PPARA: variants seen among roughly 807,000 people sequenced by gnomAD.
PPARA encodes the protein peroxisome proliferator-activated receptor alpha.
A neutral mutation model predicts 42.2 loss-of-function variants in PPARA; 22 were observed. That is an observed-to-expected ratio of 0.52 (90% CI 0.37 to 0.74). The LOEUF (loss-of-function observed/expected upper bound fraction) is 0.74. Among genes scored for constraint, PPARA ranks in the 30% least tolerant of loss-of-function variants. The probability of loss-of-function intolerance (pLI) is 0.00; values close to 1 mark genes in which losing one functional copy is unlikely to be tolerated. For missense variants in PPARA, 465 were observed against 608.2 expected (o/e 0.76, Z 2.48); for synonymous variants, 242 against 239.3 (o/e 1.01, Z -0.10).
chr22:46,167,808 C>A lies in PPARA; in HGVS notation c.-126-8945C>A, dbSNP rs1050876472. 6.6e-6 allele frequency among the ~76,000 whole-genome samples: 1 copy of A among 151,492 alleles called. No individual in the cohort carries two copies. The highest frequency in any genetic ancestry group is 1.5e-5 in the Non-Finnish European group (1 of 67,940). On this transcript the variant is annotated intron_variant, in intron 2 of 8. Transcript: ENST00000407236. This position sits in a 1 kb window ranked among gnomAD's most constrained non-coding sequence, Gnocchi z 4.1. ...CTGTCATTCCAATGCTTTGGGGGAC[C>A]GAGGTGAGAGGATAGCTTGAGGCCA...
At position 46,227,440 on chromosome 22, in the gene PPARA, C is replaced by G. The variant is rs1309362675; in HGVS notation, c.712-4352C>G. Among the ~76,000 whole-genome samples, 1 of 152,184 alleles carries G rather than the reference C, an allele frequency of 6.6e-6. No homozygotes were observed. Among genetic ancestry groups the G allele is most frequent in the Non-Finnish European group, 1.5e-5 (1 of 68,046 alleles). On this transcript the variant is annotated intron_variant, in intron 7 of 8. Transcript: ENST00000407236. This position sits in a 1 kb window ranked among gnomAD's most constrained non-coding sequence, Gnocchi z 4.3. ...CTAATTTTTGTATTTTTAGTAGACA[C>G]GGGCTTTTGCCATGTTGGCCGGGCT...
rs979095104 is a variant in PPARA at position 46,230,678 on chromosome 22, G to A, written c.712-1114G>A. ...GCATGGGAGCACACAAGGCACGGCT[G>A]TGGGGAGTTGGCACTTGCTCCAGAA... On this transcript the variant is annotated intron_variant, in intron 7 of 8. Transcript: ENST00000407236. This position sits in a 1 kb window ranked among gnomAD's most constrained non-coding sequence, Gnocchi z 5.0. 3.3e-5 allele frequency among the ~76,000 whole-genome samples: 5 copies of A among 152,226 alleles called. No homozygotes were observed. Among genetic ancestry groups the A allele is most frequent in the African/African-American group, 1.2e-4 (5 of 41,466 alleles).
At chr22:46,172,064 C>T (rs541878569) in intron 2 of PPARA, among the ~76,000 whole-genome samples, 2 of 152,046 alleles carry the variant, frequency 1.3e-5, no homozygotes, top group East Asian at 1.9e-4. Context: ...GCAGCCGTGT[C>T]GCCTTGGGTG....
Position 46,240,790 on chromosome 22 carries a change from C to T in PPARA, c.*5410C>T, listed in dbSNP as rs1936351577. The T allele has an allele frequency of 6.6e-6, 1 of 152,290 alleles. No homozygotes were observed. The highest frequency in any genetic ancestry group is 6.5e-5 in the Admixed American group (1 of 15,286). 9.4% of individuals were successfully genotyped at this position (152,290 alleles called of 1,614,324 possible). ...CTTTTCTTAACTCAGTCCAAGCTGA[C>T]TTGTTTAGCTGCACTGGAATTTCTT... On this transcript the variant is annotated 3_prime_UTR_variant, in exon 9 of 9. Transcript: ENST00000407236. This position sits in a 1 kb window ranked among gnomAD's most constrained non-coding sequence, Gnocchi z 6.0.
In PPARA at chr22:46,150,779, G is replaced by T. The variant is rs895893580; in HGVS notation, c.-210+127G>T. 4.6e-5 allele frequency: 7 copies of T among 151,070 alleles called. No homozygotes were observed. The highest frequency in any genetic ancestry group is 2.6e-4 in the Admixed American group (4 of 15,214). 9.4% of individuals were successfully genotyped at this position (151,070 alleles called of 1,614,324 possible). A position where few individuals can be genotyped will look rare whatever the true frequency, so the allele number is the denominator to read the frequency against. On this transcript the variant is annotated intron_variant, in intron 1 of 8. Transcript: ENST00000407236. The surrounding 1 kb of genome is among the most constrained non-coding windows in gnomAD (Gnocchi z 7.5). ...GCAGGGGCTGGGCGGCGCATGCGCGGGGCCCGGGGTCTCGGGGTCTCCGGG... is the reference window on the plus strand; with the variant it reads ...GCAGGGGCTGGGCGGCGCATGCGCGTGGCCCGGGGTCTCGGGGTCTCCGGG...
At chr22:46,208,736 C>G (rs559990940) in intron 4 of PPARA, among the ~76,000 whole-genome samples, 2 of 152,212 alleles carry the variant, frequency 1.3e-5, no homozygotes, top group Admixed American at 1.3e-4. Flanking sequence ...AACCACCATT[C>G]CACTCTCTAC....
At chr22:46,151,160 C>G (rs1924359235) in intron 1 of PPARA, 3 of 152,406 alleles carry the variant, frequency 2.0e-5, no homozygotes, top group South Asian at 4.1e-4. Context: ...ACCCGGGCCC[C>G]GGACAGACCG....
intron 4 of PPARA, among the ~76,000 whole-genome samples, chr22:46,201,681 C>T (rs191091253): frequency 1.8e-3 from 274 of 152,150 alleles, no homozygotes; most frequent in Non-Finnish European, 3.0e-3. Flanking sequence ...CTTGTGAGGT[C>T]GTTGTTATGT....
At chr22:46,215,615 G>A (rs1288610743) in intron 5 of PPARA, among the ~76,000 whole-genome samples, 1 of 151,940 alleles carries the variant, frequency 6.6e-6, no homozygotes, top group Non-Finnish European at 1.5e-5. Flanking sequence ...GGTGGTGGGC[G>A]CCTGTAAGCC....
In PPARA at chr22:46,198,449, G is replaced by A. The variant is rs562592389; in HGVS notation, c.66G>A (p.Pro22=). The stretch of plus-strand genomic sequence containing the variant: ...TCGAGGCCGGCGATCTAGAGAGCCC[G>A]TTATCTGAAGAGTTCCTGCAAGAAA... ...SPLEAGDLES[P]LSEEFLQEMG... The change falls in exon 4 of 9, where the codon CCG becomes CCA. Residue 22 remains proline (P), a synonymous_variant. Coordinates refer to ENST00000407236, the MANE Select transcript of PPARA (RefSeq NM_005036.6). 8 of 1,613,670 alleles carry A rather than the reference G, an allele frequency of 5.0e-6. No individual in the cohort carries two copies. Among genetic ancestry groups the A allele is most frequent in the Admixed American group, 3.3e-5 (2 of 59,956 alleles).
chr22:46,198,743 C>G, intron 4 of PPARA, 152 bp downstream of exon 4: 3 of 790,496 alleles, frequency 3.8e-6, no homozygotes, highest in Non-Finnish European at 6.0e-6. Flanking sequence ...TCACTGCAGG[C>G]TCCACCTCCT....
At position 46,235,400 on chromosome 22, in the gene PPARA, A is replaced by C. The variant is rs369568904; in HGVS notation, c.*20A>C. Reference sequence around the variant, plus strand: ...TACTGAGTTCCTTCAGATCAGCCACACCTTTTCCAGGAGTTCTGAAGCTGA... The same window carrying C: ...TACTGAGTTCCTTCAGATCAGCCACCCCTTTTCCAGGAGTTCTGAAGCTGA... On this transcript the variant is annotated 3_prime_UTR_variant, in exon 9 of 9. Coordinates refer to ENST00000407236, the MANE Select transcript of PPARA (RefSeq NM_005036.6). The surrounding 1 kb of genome is among the most constrained non-coding windows in gnomAD (Gnocchi z 7.0). 6.8e-6 allele frequency: 11 copies of C among 1,611,622 alleles called. No individual in the cohort carries two copies. The African/African-American group carries it at 1.2e-4, about 18-fold the overall frequency.
chr22:46,177,295 A>T (rs557197235), intron 3 of PPARA, among the ~76,000 whole-genome samples: 3 of 152,208 alleles, frequency 2.0e-5, no homozygotes, highest in Admixed American at 2.0e-4. Context: ...AGCATTAATT[A>T]ATCCCAACAT....
intron 3 of PPARA, among the ~76,000 whole-genome samples, chr22:46,178,214 A>G (rs1254090687): frequency 6.6e-6 from 1 of 152,220 alleles, no homozygotes; most frequent in Non-Finnish European, 1.5e-5. Flanking sequence ...ATCTGTCAGA[A>G]GGTGACATGA....
rs929678765 is a variant in PPARA, at chr22:46,192,488, T to C, written c.-42-5854T>C. Among the ~76,000 whole-genome samples the C allele has an allele frequency of 6.6e-6, 1 of 152,224 alleles. No homozygotes were observed. Among genetic ancestry groups the C allele is most frequent in the Non-Finnish European group, 1.5e-5 (1 of 68,036 alleles). On this transcript the variant is annotated intron_variant, in intron 3 of 8. Transcript: ENST00000407236. The surrounding 1 kb of genome is among the most constrained non-coding windows in gnomAD (Gnocchi z 4.3). ...AATTTGATGTCTACTTCCTCTTGTA[T>C]TTGTCTGTTTTTAAGTGTTCTACAA...
chr22:46,213,675 C>T (rs4253726), intron 4 of PPARA, among the ~76,000 whole-genome samples: 31,716 of 151,604 alleles, frequency 0.21, 3,636 homozygotes, highest in Middle Eastern at 0.28. Context: ...CTGCAAGCTC[C>T]GCCTCCTGGG....
intron 1 of PPARA, among the ~76,000 whole-genome samples, chr22:46,151,349 G>T (rs967725316): frequency 1.3e-5 from 2 of 152,174 alleles, no homozygotes; most frequent in East Asian, 1.9e-4. Flanking sequence ...CGTCGCTCCC[G>T]GTCGGGGCCG....
intron 2 of PPARA, among the ~76,000 whole-genome samples, chr22:46,170,939 T>C (rs1300229603): frequency 6.6e-6 from 1 of 151,596 alleles, no homozygotes; most frequent in Middle Eastern, 3.2e-3. Context: ...AGACAGCAGA[T>C]CACCTGAGGT....
intron 6 of PPARA, among the ~76,000 whole-genome samples, chr22:46,218,835 CAAA>C (rs749022835): frequency 4.3e-5 from 3 of 69,272 alleles, no homozygotes; most frequent in Non-Finnish European, 2.9e-5. Flanking sequence ...TTCCGTCTCA[CAAA>C]AAAAAAAAAA....
Sources: gnomAD v4.1 joint callset for allele counts (sites outside exome capture counted in the v4.1 genomes callset) on GRCh38, gnomAD v4.1.1 for gene constraint, Gnocchi (gnomAD v3.1) non-coding constraint, MANE v1.5 for transcripts, NCBI Gene and HGNC (gene_info 2026-07-23, HGNC 2026-07-21) for gene names.